Variants in MSRA observed in about 807,000 individuals in gnomAD.
MSRA encodes the protein mitochondrial peptide methionine sulfoxide reductase.
MSRA carries 54 observed loss-of-function variants against 31.3 expected under a neutral mutation model. The observed-to-expected ratio is 1.73, with a 90% CI of 1.39 to 2.17. The LOEUF is 2.17. MSRA is among the 30% of genes most tolerant of loss of function. The pLI is 0.00. For missense variants in MSRA, 507 were observed against 300.9 expected (o/e 1.69, Z -5.07); for synonymous variants, 169 against 116.5 (o/e 1.45, Z -2.90).
At chr8:10,221,378 C>G (rs1410036554) in intron 2 of MSRA, among the ~76,000 whole-genome samples, 1 of 151,670 alleles carries the variant, frequency 6.6e-6, no homozygotes, top group African/African-American at 2.4e-5. Flanking sequence ...CCAGCACCAC[C>G]CAGCTTTTCC....
chr8:10,373,429 C>G (rs535671254), intron 5 of MSRA, among the ~76,000 whole-genome samples: 4 of 152,216 alleles, frequency 2.6e-5, no homozygotes, highest in Non-Finnish European at 5.9e-5. Context: ...TGCGGTGGCA[C>G]GATCCCTGCT....
intron 2 of MSRA, among the ~76,000 whole-genome samples, chr8:10,239,659 G>A (rs1189387461): frequency 1.3e-5 from 2 of 152,142 alleles, no homozygotes; most frequent in Non-Finnish European, 2.9e-5. Context: ...ATAACTCAAT[G>A]GAGTCTTGCT....
At chr8:10,308,529 G>GC (rs1333748302) in intron 4 of MSRA, among the ~76,000 whole-genome samples, 8 of 152,268 alleles carry the variant, frequency 5.3e-5, no homozygotes, top group Non-Finnish European at 1.2e-4. Flanking sequence ...ACCAGCTGTG[G>GC]CCCCCTCTGG....
chr8:10,393,265 G>A (rs1165243458), intron 5 of MSRA, among the ~76,000 whole-genome samples: 6 of 152,048 alleles, frequency 3.9e-5, no homozygotes, highest in Non-Finnish European at 7.4e-5. Context: ...GCGGTGCCAG[G>A]GGGTTTGTTT....
At chr8:10,091,705 C>G (rs1461880066) in intron 1 of MSRA, among the ~76,000 whole-genome samples, 1 of 150,764 alleles carries the variant, frequency 6.6e-6, no homozygotes, top group Non-Finnish European at 1.5e-5. Context: ...CTCCCGGGTT[C>G]AAGTGATTCT....
chr8:10,231,925 A>G (rs938450663), intron 2 of MSRA, among the ~76,000 whole-genome samples: 2 of 152,134 alleles, frequency 1.3e-5, no homozygotes, highest in African/African-American at 4.8e-5. Context: ...AAATAAAAAT[A>G]AAAATAAAAG....
At chr8:10,119,297 AC>A (rs1431171958) in intron 1 of MSRA, among the ~76,000 whole-genome samples, 2 of 152,210 alleles carry the variant, frequency 1.3e-5, no homozygotes, top group Non-Finnish European at 2.9e-5. Context: ...TCTTTGTCCG[AC>A]AGAAGACTTT....
chr8:10,355,638 G>T (rs182406531), intron 5 of MSRA, among the ~76,000 whole-genome samples: 1 of 152,158 alleles, frequency 6.6e-6, no homozygotes, highest in East Asian at 1.9e-4. Context: ...GGCAGTCAGG[G>T]TGGCTCTTTT....
intron 1 of MSRA, among the ~76,000 whole-genome samples, chr8:10,061,814 G>C (rs1314333437): frequency 1.3e-5 from 2 of 152,152 alleles, no homozygotes; most frequent in Non-Finnish European, 2.9e-5. Flanking sequence ...ACTTTTCCCT[G>C]AGTTATTTTT....
At chr8:10,309,689 C>A (rs748704924) in intron 4 of MSRA, among the ~76,000 whole-genome samples, 2 of 152,234 alleles carry the variant, frequency 1.3e-5, no homozygotes, top group African/African-American at 2.4e-5. Context: ...CCTGGCCTTA[C>A]CGTGAGCTGG....
intron 1 of MSRA, among the ~76,000 whole-genome samples, chr8:10,069,593 A>T (rs62488692): frequency 0.11 from 17,250 of 152,218 alleles, 1,127 homozygotes; most frequent in East Asian, 0.25. Context: ...GATTGGAGAA[A>T]CAGTGTGTCC....
At chr8:10,378,226 G>T (rs373548287) in intron 5 of MSRA, among the ~76,000 whole-genome samples, 5 of 152,168 alleles carry the variant, frequency 3.3e-5, no homozygotes, top group African/African-American at 1.2e-4. Context: ...ACAGAAAGCT[G>T]ACATTAGAGT....
Position 10,394,036 on chromosome 8 carries a change from T to C in MSRA, c.544-34112T>C, listed in dbSNP as rs532929679. ...AGATGGAAGAGACCCTAAGACAACATGACCAGTGTTAACTTTGGGTCTCTA... is the reference window on the plus strand; with the variant it reads ...AGATGGAAGAGACCCTAAGACAACACGACCAGTGTTAACTTTGGGTCTCTA... On this transcript the variant is annotated intron_variant, in intron 5 of 5. Coordinates refer to ENST00000317173, the MANE Select transcript of MSRA (RefSeq NM_012331.5). 7.9e-5 allele frequency among the ~76,000 whole-genome samples: 12 copies of C among 152,310 alleles called. 1 individual carries two copies. The highest frequency in any genetic ancestry group is 2.9e-4 in the African/African-American group (12 of 41,580).
intron 1 of MSRA, among the ~76,000 whole-genome samples, chr8:10,193,995 T>C (rs965247964): frequency 2.0e-5 from 3 of 152,122 alleles, no homozygotes; most frequent in African/African-American, 4.8e-5. Flanking sequence ...TGTGAACATA[T>C]AAAATAGATT....
At chr8:10,100,771 A>C (rs1352890776) in intron 1 of MSRA, among the ~76,000 whole-genome samples, 2 of 152,042 alleles carry the variant, frequency 1.3e-5, no homozygotes, top group Non-Finnish European at 2.9e-5. Flanking sequence ...GAAAAATGTT[A>C]CCTGTGTGTG....
chr8:10,260,998 G>T lies in MSRA; in HGVS notation c.331+15775G>T, dbSNP rs115080405. Among the ~76,000 whole-genome samples, 1,486 of 152,280 alleles carry T rather than the reference G, an allele frequency of 9.8e-3. 22 individuals are homozygous for T. Among genetic ancestry groups the T allele is most frequent in the African/African-American group, 0.034 (1,431 of 41,556 alleles). On this transcript the variant is annotated intron_variant, in intron 3 of 5. Coordinates refer to ENST00000317173, the MANE Select transcript of MSRA (RefSeq NM_012331.5). ...ATAACTTTCATGGAAATAGTTACTT[G>T]TAAAATGTTGTTCAGCTTTCAGAAT... is the stretch of plus-strand genomic sequence containing the variant.
intron 5 of MSRA, among the ~76,000 whole-genome samples, chr8:10,334,970 A>G (rs1012245042): frequency 1.3e-5 from 2 of 152,066 alleles, no homozygotes; most frequent in African/African-American, 2.4e-5. Flanking sequence ...GAGCCCGCCC[A>G]TTGGCTGCAA....
At chr8:10,112,258 A>T (rs187428919) in intron 1 of MSRA, among the ~76,000 whole-genome samples, 7 of 152,198 alleles carry the variant, frequency 4.6e-5, no homozygotes, top group Non-Finnish European at 1.5e-5. Flanking sequence ...CTATTAATTC[A>T]TTAGAAAAGA....
chr8:10,096,161 A>G, intron 1 of MSRA: 1 of 1,246,880 alleles, frequency 8.0e-7, no homozygotes, highest in Non-Finnish European at 1.0e-6. Flanking sequence ...AAGTTGTTTT[A>G]TCCATGTGTT....
Sources: allele counts gnomAD v4.1 joint callset (sites outside exome capture counted in the v4.1 genomes callset), GRCh38; gene constraint gnomAD v4.1.1; transcripts MANE v1.5; gene names NCBI Gene and HGNC (gene_info 2026-07-23, HGNC 2026-07-21).